Variants in KALRN observed in about 807,000 individuals in gnomAD.
KALRN encodes the protein kalirin.
KALRN carries 70 observed loss-of-function variants against 353.7 expected under a neutral mutation model. The ratio of observed to expected loss-of-function variants is 0.20; its 90% CI spans 0.16 to 0.24. KALRN has a LOEUF of 0.24. Ranked by LOEUF, KALRN falls within the 10% of genes least tolerant of loss-of-function variation. The pLI, the probability that KALRN is intolerant of heterozygous loss-of-function variation, is 1.00. For missense variants in KALRN, 2,791 were observed against 3,756.7 expected, an observed-to-expected ratio of 0.74 and a Z score of 6.72; for synonymous variants, 1,391 against 1,434.8, an observed-to-expected ratio of 0.97 and a Z score of 0.69.
chr3:124,519,068 G>A, intron 33 of KALRN: 3 of 985,938 alleles, frequency 3.0e-6, no homozygotes, highest in Non-Finnish European at 3.6e-6. Flanking sequence ...TTTTCTATTT[G>A]CTTCAGCCTA....
At chr3:124,052,542 T>A (rs1475175685) in intron 1 of KALRN, among the ~76,000 whole-genome samples, 1 of 152,152 alleles carries the variant, frequency 6.6e-6, no homozygotes, top group Non-Finnish European at 1.5e-5. Flanking sequence ...TCCAGAATCT[T>A]CTTTTCTTAG....
chr3:124,190,814 C>A (rs1217536865), intron 1 of KALRN, among the ~76,000 whole-genome samples: 1 of 152,208 alleles, frequency 6.6e-6, no homozygotes, highest in Non-Finnish European at 1.5e-5. Context: ...TCAGCAGACA[C>A]CAACTGGGTG....
At chr3:124,551,581 G>A (rs2070540658) in intron 33 of KALRN, among the ~76,000 whole-genome samples, 1 of 152,212 alleles carries the variant, frequency 6.6e-6, no homozygotes, top group Non-Finnish European at 1.5e-5. Flanking sequence ...GTTATTGACT[G>A]TTGCAGCCAA....
chr3:124,292,356 A>G (rs572508770), intron 5 of KALRN, among the ~76,000 whole-genome samples: 1 of 152,206 alleles, frequency 6.6e-6, no homozygotes, highest in Non-Finnish European at 1.5e-5. Flanking sequence ...GAAAAATTGC[A>G]TTTTAATAGG....
chr3:124,200,351 G>A (rs2075837805), intron 1 of KALRN, among the ~76,000 whole-genome samples: 1 of 152,186 alleles, frequency 6.6e-6, no homozygotes, highest in Admixed American at 6.5e-5. Context: ...ATTTCTCATA[G>A]TTCTGAAGGC....
chr3:124,516,769 C>CT (rs1362194063), intron 33 of KALRN, among the ~76,000 whole-genome samples: 2 of 150,220 alleles, frequency 1.3e-5, no homozygotes, highest in East Asian at 1.9e-4. Flanking sequence ...ATTTAAAATT[C>CT]TTTTTTTTGT....
intron 1 of KALRN, chr3:124,152,792 T>G: frequency 3.3e-6 from 1 of 302,226 alleles, no homozygotes; most frequent in Non-Finnish European, 6.0e-6. Context: ...TGTTTGTTTG[T>G]TTTTCATTGA....
At chr3:124,686,798 ATTTTTTTTTTT>A (rs10599336) in intron 51 of KALRN, among the ~76,000 whole-genome samples, 75 of 70,838 alleles carry the variant, frequency 1.1e-3, no homozygotes, top group Non-Finnish European at 1.2e-3. Context: ...CACTGGTGAG[ATTTTTTTTTTT>A]TTTTTTTTTT....
chr3:124,646,412 A>ATTTTTTTTTTTTTTTTTTTT (rs1559758779), intron 37 of KALRN, among the ~76,000 whole-genome samples: 11 of 125,536 alleles, frequency 8.8e-5, no homozygotes, highest in African/African-American at 2.1e-4. Context: ...TTTTTTTGAG[A>ATTTTTTTTTTTTTTTTTTTT]CAGAGCCTTG....
intron 33 of KALRN, among the ~76,000 whole-genome samples, chr3:124,508,869 T>C (rs2065542039): frequency 6.6e-6 from 1 of 152,220 alleles, no homozygotes; most frequent in African/African-American, 2.4e-5. Flanking sequence ...TGTATTGATA[T>C]CTACTTATGG....
chr3:124,535,884 C>T (rs2068464697), intron 33 of KALRN, among the ~76,000 whole-genome samples: 2 of 152,180 alleles, frequency 1.3e-5, no homozygotes, highest in East Asian at 1.9e-4. Flanking sequence ...TAACTGATTC[C>T]TTCACCATTC....
intron 34 of KALRN, among the ~76,000 whole-genome samples, chr3:124,625,711 T>A (rs188766327): frequency 6.6e-6 from 1 of 151,202 alleles, no homozygotes; most frequent in African/African-American, 2.5e-5. Flanking sequence ...TATCTCTATA[T>A]CCCCATATGC....
intron 12 of KALRN, among the ~76,000 whole-genome samples, chr3:124,396,276 G>A (rs1241568137): frequency 6.6e-6 from 1 of 152,086 alleles, no homozygotes; most frequent in Non-Finnish European, 1.5e-5. Flanking sequence ...ACCCATACCA[G>A]TTGTCCAATT....
rs1398738382 is a variant in KALRN at position 124,726,152 on chromosome 3, G to T, written c.*6682G>T. On this transcript the variant is annotated 3_prime_UTR_variant, in exon 60 of 60. Coordinates refer to ENST00000682506, the MANE Select transcript of KALRN (RefSeq NM_001388419.1). Reference sequence around the variant, plus strand: ...TATGCACACAATGTCGTTTTGTAAAGGTAGGTTGTAAATATTTTATTTGTA... The same window carrying T: ...TATGCACACAATGTCGTTTTGTAAATGTAGGTTGTAAATATTTTATTTGTA... 6.6e-6 allele frequency: 1 copy of T among 152,084 alleles called. No individual in the cohort carries two copies. Among genetic ancestry groups the T allele is most frequent in the Non-Finnish European group, 1.5e-5 (1 of 68,016 alleles). 9.4% of individuals were successfully genotyped at this position (152,084 alleles called of 1,614,324 possible).
At chr3:124,362,637 C>T (rs971484158) in intron 10 of KALRN, among the ~76,000 whole-genome samples, 6 of 152,238 alleles carry the variant, frequency 3.9e-5, no homozygotes, top group Admixed American at 6.5e-5. Flanking sequence ...TGTTTCACAC[C>T]ATGGGCTATT....
intron 10 of KALRN, among the ~76,000 whole-genome samples, chr3:124,351,867 C>T (rs1416115760): frequency 1.3e-5 from 2 of 152,190 alleles, no homozygotes; most frequent in Non-Finnish European, 2.9e-5. Context: ...GTCCTCAGTT[C>T]ATCCTGCAGA....
chr3:124,588,456 G>T (rs761959748), intron 34 of KALRN, among the ~76,000 whole-genome samples: 1 of 151,962 alleles, frequency 6.6e-6, no homozygotes, highest in Non-Finnish European at 1.5e-5. Flanking sequence ...ATGGAGTCTC[G>T]CTCTGTCGCC....
intron 25 of KALRN, among the ~76,000 whole-genome samples, chr3:124,466,508 A>G (rs2060360452): frequency 6.6e-6 from 1 of 152,196 alleles, no homozygotes; most frequent in Admixed American, 6.5e-5. Flanking sequence ...TTAGATTTGC[A>G]ACTTTGCTGT....
chr3:124,148,925 G>A (rs557920738), intron 1 of KALRN, among the ~76,000 whole-genome samples: 1 of 152,146 alleles, frequency 6.6e-6, no homozygotes, highest in Non-Finnish European at 1.5e-5. Flanking sequence ...GGGGAGAAGA[G>A]AAAGGAACAA....
Sources: gnomAD v4.1 joint callset for allele counts (sites outside exome capture counted in the v4.1 genomes callset) on GRCh38, gnomAD v4.1.1 for gene constraint, MANE v1.5 for transcripts, NCBI Gene and HGNC (gene_info 2026-07-23, HGNC 2026-07-21) for gene names.